Variants in FAF1 observed in about 807,000 individuals in gnomAD.
The protein encoded by FAF1 is FAS-associated factor 1.
FAF1 carries 25 observed loss-of-function variants against 92.5 expected under a neutral mutation model. That is an observed-to-expected ratio of 0.27 (90% confidence interval 0.20 to 0.38). The LOEUF is 0.38. Among genes scored for constraint, FAF1 ranks in the 10% least tolerant of loss-of-function variants. The pLI, the probability that FAF1 is intolerant of heterozygous loss-of-function variation, is 1.00. For synonymous variants in FAF1, 234 were observed against 273.2 expected (o/e 0.86, Z 1.42); for missense variants, 636 against 793.3 (o/e 0.80, Z 2.38).
intron 1 of FAF1, among the ~76,000 whole-genome samples, chr1:50,939,893 A>G (rs1252119496): frequency 6.6e-6 from 1 of 152,138 alleles, no homozygotes; most frequent in Non-Finnish European, 1.5e-5. Flanking sequence ...CAGTATGTCA[A>G]TAAAAGTACT....
At chr1:50,908,448 ATCTG>A (rs1323345249) in intron 1 of FAF1, among the ~76,000 whole-genome samples, 4 of 152,136 alleles carry the variant, frequency 2.6e-5, no homozygotes, top group African/African-American at 9.7e-5. Flanking sequence ...TGTCTCATTG[ATCTG>A]TCTAATGTTG....
chr1:50,561,875 AAGGAAGG>A, intron 13 of FAF1, among the ~76,000 whole-genome samples: 1 of 151,682 alleles, frequency 6.6e-6, no homozygotes, highest in South Asian at 2.1e-4. Context: ...GGAAGGAAGG[AAGGAAGG>A]AAGGAAGGAA....
chr1:50,875,729 G>C lies in FAF1; in HGVS notation c.46-17732C>G, dbSNP rs530511664. Among the ~76,000 whole-genome samples the C allele has an allele frequency of 3.9e-5, 6 of 152,248 alleles. No homozygotes were observed. The South Asian group carries it at 1.0e-3, about 26-fold the overall frequency. ...GCCTTCCAAAGTGCTGGGATTACAG[G>C]TGTGGGCCACTGCACCCAGCCTCTA... On this transcript the variant is annotated intron_variant, in intron 1 of 18. Transcript: ENST00000396153.
intron 7 of FAF1, among the ~76,000 whole-genome samples, chr1:50,700,325 CTCTT>C (rs1430704154): frequency 6.6e-6 from 1 of 152,136 alleles, no homozygotes; most frequent in African/African-American, 2.4e-5. Flanking sequence ...CTCTCTCTCT[CTCTT>C]CTCAAATCAT....
intron 15 of FAF1, among the ~76,000 whole-genome samples, chr1:50,523,005 A>G (rs1050830551): frequency 3.9e-5 from 6 of 152,172 alleles, no homozygotes; most frequent in Non-Finnish European, 7.4e-5. Context: ...AAATTTGCCT[A>G]TTGATGAATC....
chr1:50,589,838 T>G (rs934839574), intron 9 of FAF1, among the ~76,000 whole-genome samples: 1 of 152,222 alleles, frequency 6.6e-6, no homozygotes, highest in Non-Finnish European at 1.5e-5. Flanking sequence ...TTCATATATT[T>G]TGAGTTTAGT....
At chr1:50,764,249 C>A (rs1008528173) in intron 4 of FAF1, among the ~76,000 whole-genome samples, 5 of 152,106 alleles carry the variant, frequency 3.3e-5, no homozygotes, top group South Asian at 2.1e-4. Context: ...ATTCTGGGGT[C>A]TCAGTACTAA....
At chr1:50,728,160 T>G (rs182384988) in intron 6 of FAF1, among the ~76,000 whole-genome samples, 31 of 152,142 alleles carry the variant, frequency 2.0e-4, no homozygotes, top group African/African-American at 7.5e-4. Flanking sequence ...TAAAGCAAGA[T>G]AGAGAGAGGG....
intron 4 of FAF1, among the ~76,000 whole-genome samples, chr1:50,783,591 C>A (rs186154214): frequency 6.6e-6 from 1 of 151,970 alleles, no homozygotes; most frequent in Admixed American, 6.6e-5. Context: ...ATAAAAAAAT[C>A]GGCCAGGCGC....
At chr1:50,530,750 A>G (rs374579559) in intron 15 of FAF1, among the ~76,000 whole-genome samples, 47 of 152,330 alleles carry the variant, frequency 3.1e-4, no homozygotes, top group African/African-American at 1.1e-3. Context: ...CATGTACTCC[A>G]TAAACATATA....
In FAF1 at chr1:50,694,083, T is replaced by C. The variant is rs1038605803; in HGVS notation, c.657+11703A>G. ...ATATATGACATATACATGACATATA[T>C]ATAAAAAAAACTGACCAGCAAAAAA... On this transcript the variant is annotated intron_variant, in intron 7 of 18. Transcript: ENST00000396153. Among the ~76,000 whole-genome samples, 5 of 151,720 alleles carry C rather than the reference T, an allele frequency of 3.3e-5. No individual in the cohort carries two copies. In the East Asian group the frequency reaches 5.8e-4, roughly 18 times the overall value.
chr1:50,825,675 C>T (rs922112945), intron 2 of FAF1, among the ~76,000 whole-genome samples: 12 of 151,940 alleles, frequency 7.9e-5, no homozygotes, highest in African/African-American at 2.7e-4. Context: ...AAAAACCCGA[C>T]ATAATAACAA....
intron 4 of FAF1, among the ~76,000 whole-genome samples, chr1:50,757,335 AATT>A (rs1557512695): frequency 1.3e-5 from 2 of 152,160 alleles, no homozygotes; most frequent in Admixed American, 1.3e-4. Flanking sequence ...TCCAATTGTG[AATT>A]TATCCATTCC....
intron 15 of FAF1, among the ~76,000 whole-genome samples, chr1:50,534,792 T>C (rs549590618): frequency 5.9e-5 from 9 of 152,318 alleles, no homozygotes; most frequent in African/African-American, 1.9e-4. Context: ...AACACTATTG[T>C]CATCGATAAT....
chr1:50,694,684 G>A (rs974234881), intron 7 of FAF1, among the ~76,000 whole-genome samples: 5 of 151,124 alleles, frequency 3.3e-5, no homozygotes, highest in Non-Finnish European at 5.9e-5. Flanking sequence ...GGTGGCTCAC[G>A]CCTGCAATCT....
intron 12 of FAF1, among the ~76,000 whole-genome samples, chr1:50,570,907 T>C (rs1432166057): frequency 1.3e-5 from 2 of 152,216 alleles, no homozygotes; most frequent in African/African-American, 2.4e-5. Flanking sequence ...TTTGGAAGAG[T>C]TGAAATGGCA....
At chr1:50,949,427 T>C (rs1456749425) in intron 1 of FAF1, among the ~76,000 whole-genome samples, 2 of 152,248 alleles carry the variant, frequency 1.3e-5, no homozygotes, top group South Asian at 2.1e-4. Flanking sequence ...TAAATGCTAG[T>C]AGCAGCCCGA....
intron 8 of FAF1, among the ~76,000 whole-genome samples, chr1:50,616,913 T>G (rs1247061022): frequency 6.6e-6 from 1 of 152,158 alleles, no homozygotes; most frequent in Non-Finnish European, 1.5e-5. Context: ...ACTCCTGACC[T>G]CAAGTGATCT....
At chr1:50,568,733 T>C (rs1026861676) in intron 12 of FAF1, among the ~76,000 whole-genome samples, 6 of 152,286 alleles carry the variant, frequency 3.9e-5, no homozygotes, top group African/African-American at 1.4e-4. Flanking sequence ...TCAGATTGTC[T>C]AACTCCAAGT....
Sources: allele counts gnomAD v4.1 joint callset (sites outside exome capture counted in the v4.1 genomes callset), GRCh38; gene constraint gnomAD v4.1.1; transcripts MANE v1.5; gene names NCBI Gene and HGNC (gene_info 2026-07-23, HGNC 2026-07-21).